The following ADGRG1 variants were observed in gnomAD, a reference collection of about 807,000 sequenced individuals.
The protein encoded by ADGRG1 is 7-transmembrane protein with no EGF-like N-terminal domains-1.
A neutral mutation model predicts 73.5 loss-of-function variants in ADGRG1; 53 were observed. That is an observed-to-expected ratio of 0.72 (90% CI 0.58 to 0.91). The LOEUF (loss-of-function observed/expected upper bound fraction) is 0.91, where lower values mean the gene tolerates loss of function less well. Among genes scored for constraint, ADGRG1 ranks in the 40% least tolerant of loss-of-function variants. ADGRG1 has a pLI of 0.00. For missense variants in ADGRG1, 795 were observed against 871.8 expected (o/e 0.91, Z 1.11); for synonymous variants, 394 against 374.4 (o/e 1.05, Z -0.60).
rs765432109 is a variant in ADGRG1, at chr16:57,650,330, A to T, written c.43A>T (p.Ser15Cys). The change falls in exon 2 of 14, where the codon AGT becomes TGT. Residue 15 changes from serine (S) to cysteine (C), a missense_variant. Physicochemically the swap from Ser to Cys is moderately radical, Grantham distance 112 (BLOSUM62 -1). Coordinates refer to ENST00000562631, the MANE Select transcript of ADGRG1 (RefSeq NM_201525.4). ...GCTGCAGACGACACTGTTCCTGCTG[A>T]GTCTGCTCTTCCTGGTCCAAGGCAG... ...SLLQTTLFLL[S>C]LLFLVQGAHG... 4 of 1,612,964 alleles carry T rather than the reference A, an allele frequency of 2.5e-6. No individual in the cohort carries two copies. The highest frequency in any genetic ancestry group is 3.4e-6 in the Non-Finnish European group (4 of 1,178,906).
At chr16:57,624,789 C>T (rs71387190), upstream of ADGRG1, 15,044 of 793,078 alleles carry the variant, frequency 0.019, 277 homozygotes, top group East Asian at 0.16. Context: ...CCTACCTCCC[C>T]GGCAGCCTCC....
intron 1 of ADGRG1, chr16:57,637,771 C>T (rs1392437232): frequency 2.0e-5 from 18 of 888,104 alleles, no homozygotes; most frequent in Non-Finnish European, 2.4e-5. Flanking sequence ...AGACACCATC[C>T]CCTCAGCCCC....
chr16:57,626,855 A>G (rs1176408253), upstream of ADGRG1: 1 of 976,036 alleles, frequency 1.0e-6, no homozygotes, highest in Non-Finnish European at 1.2e-6. Context: ...GTGGTATGTC[A>G]GGGACAACCC....
chr16:57,655,966 C>G lies in ADGRG1; in HGVS notation c.991C>G (p.Leu331Val). 6.2e-7 allele frequency: 1 copy of G among 1,614,072 alleles called. No individual in the cohort carries two copies. Among genetic ancestry groups the G allele is most frequent in the East Asian group, 2.2e-5 (1 of 44,878 alleles). ...KVANLTEPVV[L>V]TFQHQLQPKN... ...AGCCAACCTCACGGAGCCCGTGGTG[C>G]TCACTTTCCAGCACCAGCTACAGCC... Residue 331 changes from leucine (L) to valine (V), a missense_variant, in exon 7 of 14, where the codon CTC (leucine) becomes GTC (valine). Coordinates refer to ENST00000562631, the MANE Select transcript of ADGRG1 (RefSeq NM_201525.4).
intron 3 of ADGRG1, chr16:57,652,765 T>A (rs2044417156): frequency 9.5e-7 from 1 of 1,055,664 alleles, no homozygotes; most frequent in South Asian, 2.9e-5. Flanking sequence ...TGGAGACACC[T>A]TAGTCGGCCG....
intron 10 of ADGRG1, among the ~76,000 whole-genome samples, chr16:57,658,111 G>C (rs990326899): frequency 1.3e-5 from 2 of 152,156 alleles, no homozygotes; most frequent in African/African-American, 4.8e-5. Context: ...AGACAGGAAA[G>C]CAAAATAAAA....
At chr16:57,661,657 G>A (rs111888834) in intron 12 of ADGRG1, 40 bp from the exon 13 acceptor site, 247 of 1,595,258 alleles carry the variant, frequency 1.5e-4, no homozygotes, top group Admixed American at 2.8e-4. Flanking sequence ...AATGCTGCCC[G>A]TGCTGGCCAC....
At chr16:57,634,520 A>G in intron 1 of ADGRG1, 1 of 955,458 alleles carries the variant, frequency 1.0e-6, no homozygotes, top group Non-Finnish European at 1.2e-6. Context: ...GCCCTCTAAG[A>G]CTTGAAACTT....
At chr16:57,626,687 C>T, upstream of ADGRG1, 5 of 985,430 alleles carry the variant, frequency 5.1e-6, no homozygotes, top group Non-Finnish European at 6.0e-6. Flanking sequence ...CCATCTGTGC[C>T]CTTCTGGTCA....
intron 1 of ADGRG1, 133 bp downstream of exon 1, chr16:57,628,935 T>TGTGAGC (rs772022658): frequency 1.3e-6 from 1 of 765,584 alleles, no homozygotes; most frequent in Non-Finnish European, 1.6e-6. Flanking sequence ...TGAGTGTGAG[T>TGTGAGC]GTGAGCGTGA....
At chr16:57,644,478 A>AGGTG (rs1567718270) in intron 1 of ADGRG1, among the ~76,000 whole-genome samples, 1 of 143,546 alleles carries the variant, frequency 7.0e-6, no homozygotes, top group Non-Finnish European at 1.5e-5. Flanking sequence ...GGGCACACAC[A>AGGTG]CCCATGCACA....
chr16:57,628,097 G>A (rs192902477), upstream of ADGRG1: 259 of 984,492 alleles, frequency 2.6e-4, no homozygotes, highest in African/African-American at 4.3e-3. Flanking sequence ...CCGGTCAGTC[G>A]TGCGTGGCCT....
intron 1 of ADGRG1, 35 bp downstream of exon 1, chr16:57,628,837 G>A (rs2147132882): frequency 1.0e-6 from 1 of 980,082 alleles, no homozygotes; most frequent in Non-Finnish European, 1.2e-6. Flanking sequence ...AGGTGGGAAG[G>A]GGAATAGTGT....
At chr16:57,657,581 G>A (rs551185896) in intron 10 of ADGRG1, 90 bp downstream of exon 10, 32 of 998,660 alleles carry the variant, frequency 3.2e-5, no homozygotes, top group East Asian at 1.4e-4. Context: ...GTCATGGCCC[G>A]CCCGCATGAC....
intron 2 of ADGRG1, chr16:57,650,909 C>T (rs937599989): frequency 1.4e-5 from 3 of 208,668 alleles, no homozygotes; most frequent in African/African-American, 2.4e-5. Context: ...GGGGTTTCAC[C>T]GTTTTAGCCG....
chr16:57,651,674 G>T, intron 3 of ADGRG1, 52 bp downstream of exon 3: 1 of 1,573,728 alleles, frequency 6.4e-7, no homozygotes. Context: ...CTAGAGGCAG[G>T]GAAGGCAAAA....
chr16:57,653,647 G>T, intron 4 of ADGRG1: 1 of 948,350 alleles, frequency 1.1e-6, no homozygotes, highest in South Asian at 4.9e-5. Context: ...CAAGGCCACA[G>T]AGTAGGTTGG....
At chr16:57,656,341 G>T (rs2045724345) in intron 8 of ADGRG1, 70 bp downstream of exon 8, 39 of 1,611,016 alleles carry the variant, frequency 2.4e-5, no homozygotes, top group Non-Finnish European at 3.1e-5. Context: ...GGGTGGGGGA[G>T]GTGGGGTTAA....
rs8054325 is a variant in ADGRG1, at chr16:57,643,553, C to A, written c.-35-6700C>A. 1.3e-5 allele frequency: 13 copies of A among 981,532 alleles called. No individual in the cohort carries two copies. The African/African-American group carries it at 2.3e-4, about 17-fold the overall frequency. The allele number at this position is 981,532 out of a possible 1,614,324, so 60.8% of individuals were successfully genotyped here. On this transcript the variant is annotated intron_variant, in intron 1 of 13. Coordinates refer to ENST00000562631, the MANE Select transcript of ADGRG1 (RefSeq NM_201525.4). ...ACGGGGACAGTGAGGCCTGAGCTGG[C>A]GGTATGGGGGGTGGGGGGTGTCCAG...
Sources: allele counts gnomAD v4.1 joint callset (sites outside exome capture counted in the v4.1 genomes callset), GRCh38; gene constraint gnomAD v4.1.1; transcripts MANE v1.5; gene names NCBI Gene and HGNC (gene_info 2026-07-23, HGNC 2026-07-21).